Variants in CYLD observed in about 807,000 individuals in gnomAD.
The protein encoded by CYLD is ubiquitin carboxyl-terminal hydrolase CYLD.
A neutral mutation model predicts 104.5 loss-of-function variants in CYLD; 26 were observed. That is an observed-to-expected ratio of 0.25 (90% confidence interval 0.18 to 0.35). The LOEUF (loss-of-function observed/expected upper bound fraction) is 0.35. Among genes scored for constraint, CYLD ranks in the 10% least tolerant of loss-of-function variants. The probability of loss-of-function intolerance (pLI) is 1.00; values close to 1 mark genes in which losing one functional copy is unlikely to be tolerated. For synonymous variants in CYLD, 385 were observed against 399.9 expected, an observed-to-expected ratio of 0.96 and a Z score of 0.45; for missense variants, 703 against 1,136.1, an observed-to-expected ratio of 0.62 and a Z score of 5.48.
At position 50,794,763 on chromosome 16, in the gene CYLD, C is replaced by T. The variant is rs946486340; in HGVS notation, c.2686+335C>T. On this transcript the variant is annotated intron_variant, in intron 18 of 18. Transcript: ENST00000427738. This position sits in a 1 kb window ranked among gnomAD's most constrained non-coding sequence, Gnocchi z 4.1. ...AGCCTCCTGAGTAGCTGGGACTACA[C>T]GCATATGCCACCATGCCTGGCTAAT... 15 of 364,998 alleles carry T rather than the reference C, an allele frequency of 4.1e-5. No homozygotes were observed. In the East Asian group the frequency reaches 7.5e-4, roughly 18 times the overall value. The allele number at this position is 364,998 out of a possible 1,614,324, so 22.6% of individuals were successfully genotyped here.
intron 5 of CYLD, among the ~76,000 whole-genome samples, chr16:50,761,983 T>C (rs8062105): frequency 0.23 from 34,972 of 152,166 alleles, 6,603 homozygotes; most frequent in African/African-American, 0.53. Context: ...TATTCTGTCT[T>C]CCCACGTTTC....
At chr16:50,787,172 G>A in intron 13 of CYLD, 2 of 536,904 alleles carry the variant, frequency 3.7e-6, no homozygotes, top group Admixed American at 3.2e-5. Flanking sequence ...GCTGGTTCTA[G>A]TATATTAAAT....
chr16:50,745,427 G>A (rs1966108049), intron 2 of CYLD, among the ~76,000 whole-genome samples: 1 of 144,200 alleles, frequency 6.9e-6, no homozygotes, highest in Admixed American at 6.9e-5. Context: ...GAGTACAGTG[G>A]TGTGATCATA....
At chr16:50,778,278 G>T in intron 8 of CYLD, 1 of 178,266 alleles carries the variant, frequency 5.6e-6, no homozygotes. Flanking sequence ...TTTTCACCTA[G>T]TTTATTCTCT....
At chr16:50,766,008 C>A (rs1038754384) in intron 5 of CYLD, among the ~76,000 whole-genome samples, 2 of 152,198 alleles carry the variant, frequency 1.3e-5, no homozygotes, top group African/African-American at 4.8e-5. Context: ...ATCAGAAGAT[C>A]TAGCTAAGTT....
At chr16:50,753,332 G>A (rs1966779107) in intron 4 of CYLD, among the ~76,000 whole-genome samples, 1 of 152,168 alleles carries the variant, frequency 6.6e-6, no homozygotes, top group Admixed American at 6.5e-5. Flanking sequence ...TGGAGAAAGA[G>A]GGCCACTGGT....
Position 50,777,815 on chromosome 16 carries a change from G to A in CYLD, c.1022-10G>A, listed in dbSNP as rs1265129302. ...TTTATTTTTAAATGAAACTTTTCTT[G>A]TTCCTATAGGATCTACCTCAGACCC... On this transcript the variant is annotated splice_polypyrimidine_tract_variant and intron_variant, in intron 7 of 18. Coordinates refer to ENST00000427738, the MANE Select transcript of CYLD (RefSeq NM_001378743.1). 1 of 1,429,942 alleles carries A rather than the reference G, an allele frequency of 7.0e-7. No homozygotes were observed. The highest frequency in any genetic ancestry group is 9.8e-7 in the Non-Finnish European group (1 of 1,015,410). The allele number at this position is 1,429,942 out of a possible 1,614,324, so 88.6% of individuals were successfully genotyped here.
At chr16:50,777,437 T>C (rs966148035) in intron 7 of CYLD, among the ~76,000 whole-genome samples, 2 of 152,204 alleles carry the variant, frequency 1.3e-5, no homozygotes, top group African/African-American at 4.8e-5. Context: ...TTACCTTCTT[T>C]TAAAATAATA....
chr16:50,780,149 A>G (rs1970079099), intron 9 of CYLD, 105 bp downstream of exon 9: 1 of 1,350,196 alleles, frequency 7.4e-7, no homozygotes, highest in African/African-American at 1.4e-5. Context: ...TTGTCAGAAA[A>G]GCTATCACTG....
chr16:50,747,547 T>G (rs560767915), intron 2 of CYLD, among the ~76,000 whole-genome samples: 41 of 152,342 alleles, frequency 2.7e-4, no homozygotes, highest in Non-Finnish European at 5.4e-4. Context: ...TTGTGGAAAG[T>G]GTTGACATGT....
chr16:50,799,724 A>G lies in CYLD; in HGVS notation c.*3216A>G. The G allele has an allele frequency of 4.3e-6, 1 of 233,456 alleles. No individual in the cohort carries two copies. The highest frequency in any genetic ancestry group is 8.5e-6 in the Non-Finnish European group (1 of 117,960). The allele number at this position is 233,456 out of a possible 1,614,324, so 14.5% of individuals were successfully genotyped here. A position where few individuals can be genotyped will look rare whatever the true frequency, so the allele number is the denominator to read the frequency against. On this transcript the variant is annotated 3_prime_UTR_variant, in exon 19 of 19. Coordinates refer to ENST00000427738, the MANE Select transcript of CYLD (RefSeq NM_001378743.1). The stretch of plus-strand genomic sequence containing the variant: ...TGTCACCCAAATTCCTGCTTGTTTG[A>G]ACATGGCATCTTCATAGATTCAGGA...
intron 8 of CYLD, 67 bp from the exon 9 acceptor site, chr16:50,779,598 T>C (rs901246079): frequency 3.9e-6 from 6 of 1,546,282 alleles, no homozygotes; most frequent in Middle Eastern, 1.7e-4. Flanking sequence ...TGTATATAAA[T>C]TTTTAGAAAT....
At chr16:50,790,307 TCTC>T (rs1395652554) in intron 14 of CYLD, among the ~76,000 whole-genome samples, 3 of 152,126 alleles carry the variant, frequency 2.0e-5, no homozygotes, top group African/African-American at 7.2e-5. Context: ...TAAATTGTCT[TCTC>T]CATCCTCATT....
At chr16:50,743,406 G>C (rs1422847421) in intron 2 of CYLD, among the ~76,000 whole-genome samples, 3 of 152,134 alleles carry the variant, frequency 2.0e-5, no homozygotes, top group African/African-American at 7.2e-5. Context: ...AATTCTTATT[G>C]AAGTAACACC....
At chr16:50,781,175 G>A in intron 9 of CYLD, 71 bp from the exon 10 acceptor site, 2 of 1,561,598 alleles carry the variant, frequency 1.3e-6, no homozygotes, top group Non-Finnish European at 1.8e-6. Context: ...ACAGGTCTTA[G>A]AAACCTTAGT....
chr16:50,747,006 A>G (rs1214603569), intron 2 of CYLD, among the ~76,000 whole-genome samples: 1 of 152,172 alleles, frequency 6.6e-6, no homozygotes, highest in East Asian at 1.9e-4. Flanking sequence ...TTAAAAAAGA[A>G]TTTCTTTTCA....
At chr16:50,756,134 C>G (rs1426495964) in intron 5 of CYLD, among the ~76,000 whole-genome samples, 2 of 152,056 alleles carry the variant, frequency 1.3e-5, no homozygotes, top group African/African-American at 4.8e-5. Context: ...TATCCTTTAC[C>G]CTCAAATGAA....
rs202106223 is a variant in CYLD, at chr16:50,782,873, TG to T, written c.1826+408del. On this transcript the variant is annotated intron_variant, in intron 11 of 18. Transcript: ENST00000427738. ...AAACGATTTTCAGTAGCAGCACTGC[TG>T]CCCTCATATATGCAATTTTTTCCAA... Among the ~76,000 whole-genome samples the T allele has an allele frequency of 9.0e-4, 136 of 151,202 alleles. No homozygotes were observed. In the East Asian group the frequency reaches 0.026, roughly 29 times the overall value.
chr16:50,799,148 G>A lies in CYLD; in HGVS notation c.*2640G>A. 1 of 233,344 alleles carries A rather than the reference G, an allele frequency of 4.3e-6. No homozygotes were observed. The highest frequency in any genetic ancestry group is 8.5e-6 in the Non-Finnish European group (1 of 118,032). 14.5% of individuals were successfully genotyped at this position (233,344 alleles called of 1,614,324 possible). A position where few individuals can be genotyped will look rare whatever the true frequency, so the allele number is the denominator to read the frequency against. The stretch of plus-strand genomic sequence containing the variant: ...ATATTTTCCTGTTGGCTATTTAAAG[G>A]TTTTGGTTATCTTTTATTCCTTATC... On this transcript the variant is annotated 3_prime_UTR_variant, in exon 19 of 19. Transcript: ENST00000427738.
Sources: gnomAD v4.1 joint callset for allele counts (sites outside exome capture counted in the v4.1 genomes callset) on GRCh38, gnomAD v4.1.1 for gene constraint, Gnocchi (gnomAD v3.1) non-coding constraint, MANE v1.5 for transcripts, NCBI Gene and HGNC (gene_info 2026-07-23, HGNC 2026-07-21) for gene names.